The following AP3M1 variants were observed in gnomAD, a reference collection of about 807,000 sequenced individuals.
The protein encoded by AP3M1 is AP-3 complex subunit mu-1.
In AP3M1, 29 loss-of-function variants were observed where a neutral mutation model predicts 42.6. The observed-to-expected ratio is 0.68, with a 90% CI of 0.51 to 0.93. The LOEUF (loss-of-function observed/expected upper bound fraction) is 0.93, where lower values mean the gene tolerates loss of function less well. AP3M1 is among the 40% of genes least tolerant of loss of function. The pLI is 0.00. For missense variants in AP3M1, 416 were observed against 510.2 expected (o/e 0.82, Z 1.78); for synonymous variants, 178 against 175.3 (o/e 1.02, Z -0.12).
intron 1 of AP3M1, among the ~76,000 whole-genome samples, chr10:74,145,480 G>A (rs771572720): frequency 1.3e-5 from 2 of 152,200 alleles, no homozygotes; most frequent in Non-Finnish European, 2.9e-5. Flanking sequence ...TCCATATTAT[G>A]ACCAAGGTCT....
intron 5 of AP3M1, 103 bp from the exon 6 acceptor site, chr10:74,129,344 GAAGAGT>G: frequency 1.6e-6 from 2 of 1,238,960 alleles, no homozygotes; most frequent in Non-Finnish European, 2.2e-6. Context: ...AGCAGTCATG[GAAGAGT>G]TTATGACCAC....
intron 8 of AP3M1, 29 bp downstream of exon 8, chr10:74,124,351 C>T (rs1363297774): frequency 6.3e-7 from 1 of 1,578,792 alleles, no homozygotes; most frequent in Non-Finnish European, 8.6e-7. Flanking sequence ...ACTCAATTAC[C>T]CTTAACTACA....
chr10:74,147,541 T>C (rs776174249), intron 1 of AP3M1, among the ~76,000 whole-genome samples: 2 of 152,224 alleles, frequency 1.3e-5, no homozygotes, highest in Non-Finnish European at 2.9e-5. Flanking sequence ...CTAATTAATA[T>C]CACCATAAAA....
rs1293027824 is a variant in AP3M1, at chr10:74,121,691, T to C, written c.*2119A>G. The C allele has an allele frequency of 6.6e-6, 1 of 152,234 alleles. No individual in the cohort carries two copies. Among genetic ancestry groups the C allele is most frequent in the Non-Finnish European group, 1.5e-5 (1 of 68,040 alleles). The allele number at this position is 152,234 out of a possible 1,614,324, so 9.4% of individuals were successfully genotyped here. ...GATGCAGAAGAAAATCTGATCATGT[T>C]CACCCTGCTTTGACAATGAGCCTTG... On this transcript the variant is annotated 3_prime_UTR_variant, in exon 9 of 9. Transcript: ENST00000355264.
At chr10:74,130,063 CTTTTTA>C in intron 4 of AP3M1, 71 bp from the exon 5 acceptor site, 1 of 1,038,764 alleles carries the variant, frequency 9.6e-7, no homozygotes, top group Non-Finnish European at 1.5e-6. Flanking sequence ...ATCACTGTAT[CTTTTTA>C]TTTTTATTTA....
intron 1 of AP3M1, among the ~76,000 whole-genome samples, chr10:74,144,409 C>T (rs1314212539): frequency 1.3e-5 from 2 of 151,978 alleles, no homozygotes; most frequent in Non-Finnish European, 2.9e-5. Flanking sequence ...GGCTTACAGG[C>T]GTGCATCACC....
In AP3M1 at chr10:74,121,199, A is replaced by G. The variant is rs1192139335; in HGVS notation, c.*2611T>C. The G allele has an allele frequency of 1.3e-5, 2 of 152,136 alleles. No homozygotes were observed. The highest frequency in any genetic ancestry group is 4.8e-5 in the African/African-American group (2 of 41,436). The allele number at this position is 152,136 out of a possible 1,614,324, so 9.4% of individuals were successfully genotyped here. ...TAAAACTGTCTTGTTTTTGCCATTT[A>G]CCATATGTTCACTGGTGCTGCCTTC... On this transcript the variant is annotated 3_prime_UTR_variant, in exon 9 of 9. Transcript: ENST00000355264.
chr10:74,145,363 T>C (rs1841296605), intron 1 of AP3M1, among the ~76,000 whole-genome samples: 1 of 152,200 alleles, frequency 6.6e-6, no homozygotes, highest in South Asian at 2.1e-4. Flanking sequence ...ATTGTTGTTA[T>C]CCTTAGTGCT....
chr10:74,128,171 T>C (rs1395180094), intron 6 of AP3M1, among the ~76,000 whole-genome samples: 3 of 150,618 alleles, frequency 2.0e-5, no homozygotes, highest in Non-Finnish European at 4.4e-5. Flanking sequence ...TTGAGTTCTG[T>C]CATGATGTTA....
At chr10:74,124,884 ATAGT>A (rs887859804) in intron 7 of AP3M1, among the ~76,000 whole-genome samples, 12 of 152,236 alleles carry the variant, frequency 7.9e-5, no homozygotes, top group East Asian at 3.8e-4. Context: ...TCAAGGTCAC[ATAGT>A]TAGTCAGAGG....
At chr10:74,136,864 C>G in intron 2 of AP3M1, 61 bp from the exon 3 acceptor site, 3 of 1,166,266 alleles carry the variant, frequency 2.6e-6, no homozygotes. Context: ...CTGCTAAATA[C>G]TTTTTGTTCT....
At chr10:74,143,512 CCATT>C (rs932672493) in intron 1 of AP3M1, among the ~76,000 whole-genome samples, 1 of 152,102 alleles carries the variant, frequency 6.6e-6, no homozygotes, top group African/African-American at 2.4e-5. Flanking sequence ...TACTCAGTCC[CCATT>C]CAAAGTGTTT....
Position 74,123,197 on chromosome 10 carries a change from A to C in AP3M1, c.*613T>G, listed in dbSNP as rs1356990697. 1 of 152,678 alleles carries C rather than the reference A, an allele frequency of 6.5e-6. No homozygotes were observed. The highest frequency in any genetic ancestry group is 1.9e-4 in the East Asian group (1 of 5,198). 9.5% of individuals were successfully genotyped at this position (152,678 alleles called of 1,614,324 possible). A position where few individuals can be genotyped will look rare whatever the true frequency, so the allele number is the denominator to read the frequency against. ...TTTACATAAAAATCTTATTTATAAA[A>C]AATACAATACCAAGTACAGTGAGAA... On this transcript the variant is annotated 3_prime_UTR_variant, in exon 9 of 9. Transcript: ENST00000355264.
chr10:74,138,302 C>A lies in AP3M1; in HGVS notation c.78G>T (p.Gln26His). Residue 26 changes from glutamine (Q) to histidine (H), a missense_variant, in exon 2 of 9, where the codon CAG (glutamine) becomes CAT (histidine). Coordinates refer to ENST00000355264, the MANE Select transcript of AP3M1 (RefSeq NM_012095.6). The part of the protein sequence containing the change: ...LEKHWKSVVS[Q>H]SVCDYFFEAQ... ...CTTCAAAGAAATAATCACAGACAGA[C>A]TGGCTCACAACGCTCTTCCAGTGCT... The A allele has an allele frequency of 6.2e-7, 1 of 1,613,858 alleles. No homozygotes were observed. The highest frequency in any genetic ancestry group is 8.5e-7 in the Non-Finnish European group (1 of 1,179,954).
intron 6 of AP3M1, among the ~76,000 whole-genome samples, chr10:74,128,306 T>C (rs187615940): frequency 6.6e-6 from 1 of 151,580 alleles, no homozygotes; most frequent in African/African-American, 2.4e-5. Flanking sequence ...AGTGGTGTGA[T>C]CTGTCACTGC....
intron 1 of AP3M1, among the ~76,000 whole-genome samples, chr10:74,148,158 T>C (rs777522392): frequency 6.6e-6 from 1 of 151,812 alleles, no homozygotes; most frequent in African/African-American, 2.4e-5. Flanking sequence ...GGAAAATAAA[T>C]GCAGCAGTTC....
At chr10:74,135,106 T>C (rs1840902867) in intron 3 of AP3M1, among the ~76,000 whole-genome samples, 1 of 152,230 alleles carries the variant, frequency 6.6e-6, no homozygotes, top group Admixed American at 6.5e-5. Context: ...CCTATAATCA[T>C]GTTATCTTCC....
chr10:74,146,020 A>G (rs929550873), intron 1 of AP3M1, among the ~76,000 whole-genome samples: 1 of 152,232 alleles, frequency 6.6e-6, no homozygotes, highest in Non-Finnish European at 1.5e-5. Context: ...CACTGGGTAT[A>G]TAAGAACAAA....
intron 1 of AP3M1, among the ~76,000 whole-genome samples, chr10:74,141,767 C>T (rs950092984): frequency 1.4e-5 from 2 of 146,854 alleles, no homozygotes; most frequent in Middle Eastern, 3.6e-3. Context: ...GGCTGGAGTG[C>T]AATGGTGTTA....
Sources: gnomAD v4.1 joint callset for allele counts (sites outside exome capture counted in the v4.1 genomes callset) on GRCh38, gnomAD v4.1.1 for gene constraint, MANE v1.5 for transcripts, NCBI Gene and HGNC (gene_info 2026-07-23, HGNC 2026-07-21) for gene names.